The following TTC39C variants were observed in gnomAD, a reference collection of about 807,000 sequenced individuals.
TTC39C encodes tetratricopeptide repeat domain 39C.
In TTC39C, 33 loss-of-function variants were observed where a neutral mutation model predicts 76.3. That is an observed-to-expected ratio of 0.43 (90% confidence interval 0.33 to 0.58). The LOEUF is 0.58. TTC39C is among the 20% of genes least tolerant of loss of function. The pLI, the probability that TTC39C is intolerant of heterozygous loss-of-function variation, is 0.04. For synonymous variants in TTC39C, 254 were observed against 260.6 expected (o/e 0.97, Z 0.24); for missense variants, 595 against 701.4 (o/e 0.85, Z 1.71).
At chr18:24,102,746 C>T (rs1414087768) in intron 6 of TTC39C, among the ~76,000 whole-genome samples, 1 of 152,134 alleles carries the variant, frequency 6.6e-6, no homozygotes, top group Admixed American at 6.5e-5. Flanking sequence ...TAAGAGCACC[C>T]CACATGTTGG....
intron 10 of TTC39C, among the ~76,000 whole-genome samples, chr18:24,127,053 T>C (rs1225756842): frequency 2.0e-5 from 3 of 152,236 alleles, no homozygotes. Flanking sequence ...AAATATTCTC[T>C]GAACCCCTTT....
intron 1 of TTC39C, among the ~76,000 whole-genome samples, chr18:24,002,133 T>G (rs887268120): frequency 5.3e-4 from 80 of 152,184 alleles, no homozygotes; most frequent in African/African-American, 1.9e-3. Flanking sequence ...CTTGTGGGGC[T>G]GTCAGCCTCC....
At chr18:24,117,032 G>A (rs959409922) in intron 7 of TTC39C, among the ~76,000 whole-genome samples, 1 of 151,636 alleles carries the variant, frequency 6.6e-6, no homozygotes, top group Non-Finnish European at 1.5e-5. Flanking sequence ...TGCCTAAGCT[G>A]GTCTGGATCT....
chr18:24,113,635 C>T (rs907103403), intron 6 of TTC39C: 5 of 702,190 alleles, frequency 7.1e-6, no homozygotes, highest in African/African-American at 1.7e-5. Flanking sequence ...GCTGTCAGGT[C>T]GTCTGGCTGT....
intron 12 of TTC39C, among the ~76,000 whole-genome samples, chr18:24,130,991 C>T (rs1056932951): frequency 9.6e-6 from 1 of 103,632 alleles, no homozygotes; most frequent in Admixed American, 1.3e-4. Flanking sequence ...CAAAACCAAC[C>T]TGGGCAACAA....
rs559058025 is a variant in TTC39C at position 24,051,988 on chromosome 18, TCAAA to T, written c.168-12143_168-12140del. Among the ~76,000 whole-genome samples, 5 of 152,272 alleles carry T rather than the reference TCAAA, an allele frequency of 3.3e-5. No individual in the cohort carries two copies. The East Asian group carries it at 5.8e-4, about 18-fold the overall frequency. ...CCCACTCTTGGGGACTTCCATTTAT[TCAAA>T]CAAACAAATAATGACACAAATATCA... On this transcript the variant is annotated intron_variant, in intron 1 of 13. Transcript: ENST00000317571.
intron 1 of TTC39C, among the ~76,000 whole-genome samples, chr18:24,026,968 C>T (rs1053023414): frequency 1.3e-5 from 2 of 152,162 alleles, no homozygotes; most frequent in African/African-American, 4.8e-5. Flanking sequence ...AATCCAAATT[C>T]AAGTTGAATT....
Position 24,104,688 on chromosome 18 carries a change from T to TGTG in TTC39C, c.985-9866_985-9865insGTG, listed in dbSNP as rs1555776536. The stretch of plus-strand genomic sequence containing the variant: ...GCCCAGCGCTTAGGGAGCAGGGTGT[T>TGTG]TGTGTGTGTGTGTGTGTGTGTGTGT... On this transcript the variant is annotated intron_variant, in intron 6 of 13. Transcript: ENST00000317571. 3.0e-4 allele frequency among the ~76,000 whole-genome samples: 43 copies of TGTG among 144,838 alleles called. No homozygotes were observed. The East Asian group carries it at 8.8e-3, about 30-fold the overall frequency.
At chr18:23,997,576 GAGAAAGAA>G (rs373087699) in intron 1 of TTC39C, among the ~76,000 whole-genome samples, 1 of 80,212 alleles carries the variant, frequency 1.2e-5, no homozygotes, top group Non-Finnish European at 2.5e-5. Context: ...AAAAAAAAAA[GAGAAAGAA>G]AGAAAGAAAG....
intron 1 of TTC39C, among the ~76,000 whole-genome samples, chr18:24,000,792 G>T (rs1444909444): frequency 1.3e-5 from 2 of 152,122 alleles, no homozygotes; most frequent in Non-Finnish European, 1.5e-5. Flanking sequence ...TTAAACCAGG[G>T]ACCCCACATT....
In TTC39C at chr18:24,080,907, C is replaced by T. The variant is rs142253813; in HGVS notation, c.783C>T (p.Ser261=). The stretch of plus-strand genomic sequence containing the variant: ...GGCTTTCTTCACTGATGTATGCAAG[C>T]GAAAGTAAGGACATGAAGGCCCCTT... ...LQGLSSLMYA[S]ESKDMKAPLA... is the part of the protein sequence containing the mutation. The change falls in exon 5 of 14, where the codon AGC becomes AGT. Residue 261 remains serine, a synonymous_variant. Transcript: ENST00000317571. 2.0e-5 allele frequency: 32 copies of T among 1,613,610 alleles called. No homozygotes were observed. The Middle Eastern group carries it at 8.2e-4, about 41-fold the overall frequency.
chr18:24,105,978 CT>C (rs1285196929), intron 6 of TTC39C, among the ~76,000 whole-genome samples: 1 of 152,202 alleles, frequency 6.6e-6, no homozygotes, highest in Non-Finnish European at 1.5e-5. Flanking sequence ...TCACCCCCAT[CT>C]CTGTCTCCGC....
intron 1 of TTC39C, among the ~76,000 whole-genome samples, chr18:24,051,963 C>T (rs2083956425): frequency 6.6e-6 from 1 of 152,068 alleles, no homozygotes; most frequent in Admixed American, 6.6e-5. Flanking sequence ...AGATGGGGTC[C>T]CCACTCTTGG....
Position 24,037,364 on chromosome 18 carries a change from T to C in TTC39C, c.167+22326T>C, listed in dbSNP as rs188417889. ...CTATGCTCCTTGAGATTAAGAATTT[T>C]GTCTGTTTTGCTCACTGCTATATCC... On this transcript the variant is annotated intron_variant, in intron 1 of 13. Transcript: ENST00000317571. Among the ~76,000 whole-genome samples, 531 of 152,370 alleles carry C rather than the reference T, an allele frequency of 3.5e-3. 5 individuals carry two copies. The highest frequency in any genetic ancestry group is 0.012 in the African/African-American group (484 of 41,584).
At chr18:24,124,531 G>GAGAC (rs1364195993) in intron 9 of TTC39C, among the ~76,000 whole-genome samples, 1 of 152,224 alleles carries the variant, frequency 6.6e-6, no homozygotes, top group Non-Finnish European at 1.5e-5. Flanking sequence ...CAAGACTGTA[G>GAGAC]AGACAGTATT....
chr18:24,127,930 G>A (rs1277880251), intron 10 of TTC39C, among the ~76,000 whole-genome samples: 1 of 152,158 alleles, frequency 6.6e-6, no homozygotes, highest in East Asian at 1.9e-4. Flanking sequence ...ATCTCATTCA[G>A]AATAAAAGCC....
At chr18:24,129,182 T>G (rs1294617013) in intron 11 of TTC39C, among the ~76,000 whole-genome samples, 199 bp downstream of exon 11, 1 of 152,230 alleles carries the variant, frequency 6.6e-6, no homozygotes, top group African/African-American at 2.4e-5. Flanking sequence ...TAACTTCATA[T>G]TCTTAGAATG....
At chr18:24,104,688 TTGTGTGTG>T (rs10661950) in intron 6 of TTC39C, among the ~76,000 whole-genome samples, 7 of 144,736 alleles carry the variant, frequency 4.8e-5, no homozygotes, top group South Asian at 4.5e-4. Context: ...AGCAGGGTGT[TTGTGTGTG>T]TGTGTGTGTG....
At chr18:24,123,764 T>C in intron 8 of TTC39C, 70 bp from the exon 9 acceptor site, 1 of 1,084,178 alleles carries the variant, frequency 9.2e-7, no homozygotes, top group African/African-American at 1.6e-5. Flanking sequence ...TCAAGTATCA[T>C]CACTTCAGGT....
Sources: gnomAD v4.1 joint callset for allele counts (sites outside exome capture counted in the v4.1 genomes callset) on GRCh38, gnomAD v4.1.1 for gene constraint, MANE v1.5 for transcripts, NCBI Gene and HGNC (gene_info 2026-07-23, HGNC 2026-07-21) for gene names.